The following WDR27 variants were observed in gnomAD, a reference collection of about 807,000 sequenced individuals.
WDR27 encodes the protein WD repeat-containing protein 27.
Under a neutral mutation model 114.4 loss-of-function variants are expected in WDR27, and 100 were observed. The observed-to-expected ratio is 0.87, with a 90% CI of 0.74 to 1.03. The LOEUF (loss-of-function observed/expected upper bound fraction) is 1.03. Ranked by LOEUF, WDR27 falls within the 50% of genes least tolerant of loss-of-function variation. WDR27 has a pLI of 0.00. For missense variants in WDR27, 1,129 were observed against 1,092.9 expected, an observed-to-expected ratio of 1.03 and a Z score of -0.47; for synonymous variants, 449 against 423.1, an observed-to-expected ratio of 1.06 and a Z score of -0.75.
intron 25 of WDR27, among the ~76,000 whole-genome samples, chr6:169,462,191 T>C (rs1784988422): frequency 6.6e-6 from 1 of 151,680 alleles, no homozygotes; most frequent in African/African-American, 2.4e-5. Flanking sequence ...GGCTCACACC[T>C]GTAATCTCAG....
At position 169,643,848 on chromosome 6, in the gene WDR27, T is replaced by C. The variant is rs1456173256; in HGVS notation, c.1658-62A>G. ...AGCCTAATTCATAGGAGTCACACTG[T>C]AGAAAAGCCTAGTTCACAGGAGTCA... On this transcript the variant is annotated intron_variant, in intron 16 of 25. Transcript: ENST00000448612. 6.0e-6 allele frequency: 8 copies of C among 1,325,146 alleles called. No homozygotes were observed. The East Asian group carries it at 1.5e-4, about 24-fold the overall frequency. 82.1% of individuals were successfully genotyped at this position (1,325,146 alleles called of 1,614,324 possible). A position where few individuals can be genotyped will look rare whatever the true frequency, so the allele number is the denominator to read the frequency against.
At chr6:169,481,106 T>A (rs1286870762) in intron 25 of WDR27, among the ~76,000 whole-genome samples, 1 of 151,616 alleles carries the variant, frequency 6.6e-6, no homozygotes, top group African/African-American at 2.4e-5. Context: ...GCTAGAGGAT[T>A]GTAAATGTAC....
the WDR27 span, among the ~76,000 whole-genome samples, chr6:169,427,436 G>A: frequency 4.2e-5 from 5 of 118,446 alleles, no homozygotes; most frequent in African/African-American, 1.0e-4. Flanking sequence ...GCCTAGGACC[G>A]TGGGCCCCCC....
intron 13 of WDR27, among the ~76,000 whole-genome samples, chr6:169,655,799 A>C (rs1562832438): frequency 6.6e-6 from 1 of 152,288 alleles, no homozygotes; most frequent in East Asian, 1.9e-4. Context: ...AGCTCACTGC[A>C]ACCTCCACCT....
the WDR27 span, among the ~76,000 whole-genome samples, chr6:169,444,325 T>C: frequency 6.6e-6 from 1 of 152,184 alleles, no homozygotes; most frequent in African/African-American, 2.4e-5. Flanking sequence ...CTAAAAAGAA[T>C]GTGTTTGGCT....
rs1237075397 is a variant in WDR27, at chr6:169,464,589, C to T, written c.2646-6955G>A. Among the ~76,000 whole-genome samples the T allele has an allele frequency of 2.6e-5, 4 of 152,074 alleles. No individual in the cohort carries two copies. The East Asian group carries it at 7.7e-4, about 29-fold the overall frequency. On this transcript the variant is annotated intron_variant, in intron 25 of 25. Coordinates refer to ENST00000448612, the MANE Select transcript of WDR27 (RefSeq NM_182552.5). ...TACTATTAAAAGAGTGAAATAGCAT[C>T]CACAGAATTTAAGAAAATATTTGCA...
At chr6:169,643,836 G>T in intron 16 of WDR27, 50 bp from the exon 17 acceptor site, 1 of 1,458,820 alleles carries the variant, frequency 6.9e-7, no homozygotes, top group Non-Finnish European at 9.4e-7. Context: ...CTAATTCATA[G>T]GAGTCACACT....
intron 23 of WDR27, among the ~76,000 whole-genome samples, chr6:169,589,712 A>T (rs908122734): frequency 6.6e-6 from 1 of 152,236 alleles, no homozygotes; most frequent in Non-Finnish European, 1.5e-5. Context: ...GATCCTACAC[A>T]GTGTCATAAA....
the WDR27 span, among the ~76,000 whole-genome samples, chr6:169,434,356 G>A: frequency 3.3e-5 from 5 of 152,046 alleles, no homozygotes; most frequent in Non-Finnish European, 5.9e-5. Flanking sequence ...TTTCCCCATC[G>A]CTTTTGTCAG....
chr6:169,524,016 A>C (rs1297751561), intron 25 of WDR27, among the ~76,000 whole-genome samples: 1 of 152,158 alleles, frequency 6.6e-6, no homozygotes, highest in Non-Finnish European at 1.5e-5. Flanking sequence ...TTCACAAATG[A>C]CATGATCTTG....
intron 14 of WDR27, 77 bp from the exon 15 acceptor site, chr6:169,649,352 GAAA>G: frequency 7.9e-7 from 1 of 1,272,468 alleles, no homozygotes; most frequent in Non-Finnish European, 1.1e-6. Context: ...ATTTTACAGT[GAAA>G]AAAATTATAT....
chr6:169,563,165 C>A (rs1799912597), intron 25 of WDR27, among the ~76,000 whole-genome samples: 1 of 152,158 alleles, frequency 6.6e-6, no homozygotes, highest in South Asian at 2.1e-4. Context: ...CCTGCTCAGT[C>A]CGCCCTGGAC....
At chr6:169,648,936 T>C (rs1821509158) in intron 15 of WDR27, among the ~76,000 whole-genome samples, 1 of 152,270 alleles carries the variant, frequency 6.6e-6, no homozygotes. Flanking sequence ...GGCTACGGCA[T>C]TTTCTAAACT....
chr6:169,453,851 T>C (rs1052941334), downstream of WDR27, among the ~76,000 whole-genome samples: 2 of 152,204 alleles, frequency 1.3e-5, no homozygotes, highest in Non-Finnish European at 2.9e-5. Context: ...AAGGGACTTA[T>C]AACCTAAACA....
intron 2 of WDR27, among the ~76,000 whole-genome samples, chr6:169,678,226 C>T (rs1283647726): frequency 6.6e-6 from 1 of 152,214 alleles, no homozygotes; most frequent in East Asian, 1.9e-4. Flanking sequence ...GCCACAAGGG[C>T]TGAACCTTGC....
intron 14 of WDR27, 37 bp downstream of exon 14, chr6:169,651,893 G>A (rs372286718): frequency 3.4e-5 from 54 of 1,575,794 alleles, no homozygotes; most frequent in Non-Finnish European, 4.3e-5. Flanking sequence ...TGTGACGCAG[G>A]TGCATTTCTG....
chr6:169,566,010 T>C (rs1286845032), intron 25 of WDR27, among the ~76,000 whole-genome samples: 1 of 152,280 alleles, frequency 6.6e-6, no homozygotes, highest in East Asian at 1.9e-4. Flanking sequence ...GTGTCTTCAA[T>C]AGCTCAGTTT....
intron 25 of WDR27, among the ~76,000 whole-genome samples, chr6:169,469,393 G>A (rs1033372099): frequency 6.6e-6 from 1 of 152,222 alleles, no homozygotes; most frequent in African/African-American, 2.4e-5. Flanking sequence ...GAAGCCCAAA[G>A]CCTAGCAAGG....
At chr6:169,624,948 G>A (rs1219165123) in intron 21 of WDR27, among the ~76,000 whole-genome samples, 1 of 152,244 alleles carries the variant, frequency 6.6e-6, no homozygotes, top group East Asian at 1.9e-4. Flanking sequence ...GCAGTCAACT[G>A]TGGCAGCCCT....
Sources: gnomAD v4.1 joint callset for allele counts (sites outside exome capture counted in the v4.1 genomes callset) on GRCh38, gnomAD v4.1.1 for gene constraint, MANE v1.5 for transcripts, NCBI Gene and HGNC (gene_info 2026-07-23, HGNC 2026-07-21) for gene names.